Variants in CTNND2 observed in about 807,000 individuals in gnomAD.
The protein encoded by CTNND2 is catenin delta 2.
Under a neutral mutation model 144.4 loss-of-function variants are expected in CTNND2, and 22 were observed. The ratio of observed to expected loss-of-function variants is 0.15; its 90% confidence interval spans 0.11 to 0.22. The LOEUF is 0.22. Ranked by LOEUF, CTNND2 falls within the 10% of genes least tolerant of loss-of-function variation. The probability of loss-of-function intolerance (pLI) is 1.00; values close to 1 mark genes in which losing one functional copy is unlikely to be tolerated. For synonymous variants in CTNND2, 751 were observed against 695.6 expected (o/e 1.08, Z -1.25); for missense variants, 1,353 against 1,618.8 (o/e 0.84, Z 2.82).
At position 11,782,589 on chromosome 5, in the gene CTNND2, T is replaced by C. The variant is rs150721289; in HGVS notation, c.38-50317A>G. ...TGAAGTCTCATCCTTTGTTAACTAG[T>C]GCTAAAATAGTTTAATAATGGTTAC... is the stretch of plus-strand genomic sequence containing the variant. On this transcript the variant is annotated intron_variant, in intron 1 of 21. Transcript: ENST00000304623. Among the ~76,000 whole-genome samples the C allele has an allele frequency of 1.2e-4, 18 of 152,332 alleles. No homozygotes were observed. In the East Asian group the frequency reaches 2.5e-3, roughly 21 times the overall value.
chr5:11,364,592 T>G (rs1756780739), intron 8 of CTNND2, 104 bp downstream of exon 8: 1 of 841,024 alleles, frequency 1.2e-6, no homozygotes. Flanking sequence ...CTTGTGGGGA[T>G]AGTGGACACA....
At chr5:11,572,888 T>C (rs961241218) in intron 2 of CTNND2, among the ~76,000 whole-genome samples, 1 of 152,232 alleles carries the variant, frequency 6.6e-6, no homozygotes, top group Admixed American at 6.5e-5. Context: ...TTAGTGACAA[T>C]GTTTGCAATA....
chr5:11,129,064 T>A (rs1755139224), intron 12 of CTNND2, among the ~76,000 whole-genome samples: 1 of 29,438 alleles, frequency 3.4e-5, no homozygotes, highest in Admixed American at 8.4e-4. Flanking sequence ...AAAATATATA[T>A]TTTATATATA....
chr5:10,979,338 C>T (rs758457037), intron 21 of CTNND2, among the ~76,000 whole-genome samples: 40 of 152,350 alleles, frequency 2.6e-4, no homozygotes, highest in Middle Eastern at 3.4e-3. Context: ...CTGGTGTCTA[C>T]AGCTCATGAC....
At chr5:11,555,514 G>A (rs563625123) in intron 3 of CTNND2, among the ~76,000 whole-genome samples, 31 of 152,140 alleles carry the variant, frequency 2.0e-4, no homozygotes, top group Non-Finnish European at 3.2e-4. Context: ...CCTGCTATTC[G>A]GGAGGAGAAA....
At chr5:11,441,333 TA>T (rs963460588) in intron 3 of CTNND2, among the ~76,000 whole-genome samples, 6 of 151,452 alleles carry the variant, frequency 4.0e-5, no homozygotes, top group Non-Finnish European at 8.8e-5. Context: ...TTATAATTTT[TA>T]AAAGAAGAAA....
At chr5:11,093,784 C>T (rs1196695894) in intron 15 of CTNND2, among the ~76,000 whole-genome samples, 1 of 152,150 alleles carries the variant, frequency 6.6e-6, no homozygotes, top group Non-Finnish European at 1.5e-5. Flanking sequence ...ACACTATATG[C>T]TGTTGTGTAT....
At chr5:11,383,073 C>T (rs998648033) in intron 7 of CTNND2, among the ~76,000 whole-genome samples, 1 of 152,198 alleles carries the variant, frequency 6.6e-6, no homozygotes, top group East Asian at 1.9e-4. Context: ...TGTGGCCACA[C>T]TCTCGATTGC....
At position 11,159,560 on chromosome 5, in the gene CTNND2, G is replaced by T; in HGVS notation, c.2159+16C>A. 6.3e-7 allele frequency: 1 copy of T among 1,582,468 alleles called. No homozygotes were observed. The highest frequency in any genetic ancestry group is 8.6e-7 in the Non-Finnish European group (1 of 1,162,532). ...GGGAAGATGGTGGGAGGAGGCACTC[G>T]TGACACAGGACTGACCTTAGGCACC... is the stretch of plus-strand genomic sequence containing the variant. On this transcript the variant is annotated intron_variant, in intron 12 of 21. Transcript: ENST00000304623.
intron 3 of CTNND2, among the ~76,000 whole-genome samples, chr5:11,507,255 C>A (rs942981251): frequency 6.6e-6 from 1 of 152,064 alleles, no homozygotes; most frequent in Admixed American, 6.5e-5. Flanking sequence ...TGGTTCTTTA[C>A]GAAATGAAGA....
At chr5:11,844,333 A>T (rs1794632200) in intron 1 of CTNND2, among the ~76,000 whole-genome samples, 2 of 151,946 alleles carry the variant, frequency 1.3e-5, no homozygotes, top group South Asian at 4.1e-4. Context: ...TGCATTGTAA[A>T]TATCTTGAAG....
chr5:10,986,302 C>T (rs1340973262), intron 20 of CTNND2, among the ~76,000 whole-genome samples: 1 of 152,186 alleles, frequency 6.6e-6, no homozygotes, highest in African/African-American at 2.4e-5. Flanking sequence ...AACACGCACA[C>T]CCACACCTGA....
intron 1 of CTNND2, among the ~76,000 whole-genome samples, chr5:11,778,157 A>C (rs866532232): frequency 3.0e-4 from 46 of 152,112 alleles, no homozygotes; most frequent in African/African-American, 1.0e-3. Flanking sequence ...GCAATGTTCT[A>C]ACTACATACA....
At chr5:11,284,918 G>A (rs1747569238) in intron 9 of CTNND2, among the ~76,000 whole-genome samples, 1 of 152,166 alleles carries the variant, frequency 6.6e-6, no homozygotes, top group Non-Finnish European at 1.5e-5. Context: ...CCAGAAATCT[G>A]CTTCTTTTGT....
At chr5:11,070,475 C>A (rs993096718) in intron 16 of CTNND2, among the ~76,000 whole-genome samples, 1 of 152,060 alleles carries the variant, frequency 6.6e-6, no homozygotes, top group Non-Finnish European at 1.5e-5. Context: ...TAAGACCTAC[C>A]TACAGGACAA....
chr5:11,327,918 T>C (rs1056462596), intron 9 of CTNND2, among the ~76,000 whole-genome samples: 3 of 152,194 alleles, frequency 2.0e-5, no homozygotes, highest in Non-Finnish European at 4.4e-5. Flanking sequence ...CAAGTTTAAG[T>C]TTTGGTCAGT....
intron 16 of CTNND2, among the ~76,000 whole-genome samples, chr5:11,048,409 T>C (rs1209438933): frequency 6.6e-6 from 1 of 152,202 alleles, no homozygotes; most frequent in Admixed American, 6.5e-5. Flanking sequence ...TATTTCCCCA[T>C]AAAAATCTTG....
chr5:11,069,825 T>C (rs1748056098), intron 16 of CTNND2, among the ~76,000 whole-genome samples: 2 of 152,200 alleles, frequency 1.3e-5, no homozygotes, highest in Admixed American at 1.3e-4. Flanking sequence ...CTGAGCCTAA[T>C]GGTAGATTAA....
At chr5:11,834,103 A>G (rs774677677) in intron 1 of CTNND2, among the ~76,000 whole-genome samples, 10 of 152,294 alleles carry the variant, frequency 6.6e-5, no homozygotes, top group Non-Finnish European at 1.3e-4. Context: ...AGATTGTAGT[A>G]AAGTGCTAAG....
Sources: gnomAD v4.1 joint callset for allele counts (sites outside exome capture counted in the v4.1 genomes callset) on GRCh38, gnomAD v4.1.1 for gene constraint, MANE v1.5 for transcripts, NCBI Gene and HGNC (gene_info 2026-07-23, HGNC 2026-07-21) for gene names.